ATRNL1: variants seen among roughly 807,000 people sequenced by gnomAD.
ATRNL1 encodes attractin-like protein 1.
Under a neutral mutation model 182.7 loss-of-function variants are expected in ATRNL1, and 95 were observed. The ratio of observed to expected loss-of-function variants is 0.52; its 90% CI spans 0.44 to 0.62. ATRNL1 has a LOEUF of 0.62. Among genes scored for constraint, ATRNL1 ranks in the 20% least tolerant of loss-of-function variants. ATRNL1 has a pLI of 0.00. For synonymous variants in ATRNL1, 576 were observed against 568.3 expected (o/e 1.01, Z -0.19); for missense variants, 1,471 against 1,679.5 (o/e 0.88, Z 2.17).
chr10:115,326,979 C>A (rs1438330404), intron 18 of ATRNL1, among the ~76,000 whole-genome samples: 1 of 152,130 alleles, frequency 6.6e-6, no homozygotes, highest in Non-Finnish European at 1.5e-5. Context: ...ATCATAAAAA[C>A]CCTAGAAGAA....
chr10:115,239,720 A>T (rs528244808), intron 9 of ATRNL1, among the ~76,000 whole-genome samples: 1 of 152,202 alleles, frequency 6.6e-6, no homozygotes, highest in South Asian at 2.1e-4. Context: ...TGGATGCAAC[A>T]GTCTGCCTTA....
intron 8 of ATRNL1, among the ~76,000 whole-genome samples, chr10:115,211,464 T>C (rs975078413): frequency 3.3e-5 from 5 of 152,022 alleles, no homozygotes; most frequent in South Asian, 2.1e-4. Context: ...GCTTTCAAGG[T>C]TTTTTTCCTT....
intron 19 of ATRNL1, among the ~76,000 whole-genome samples, chr10:115,357,145 G>C (rs1422031072): frequency 2.6e-5 from 4 of 151,792 alleles, no homozygotes; most frequent in East Asian, 1.9e-4. Flanking sequence ...TAATAAAAAT[G>C]GTTCTTATGC....
chr10:115,476,039 C>T (rs1373362563), intron 24 of ATRNL1, among the ~76,000 whole-genome samples: 1 of 151,150 alleles, frequency 6.6e-6, no homozygotes, highest in Admixed American at 6.6e-5. Context: ...TTTCTTTTTT[C>T]TGATATATAC....
intron 15 of ATRNL1, among the ~76,000 whole-genome samples, chr10:115,289,651 CT>C (rs1852797103): frequency 6.6e-6 from 1 of 152,062 alleles, no homozygotes. Flanking sequence ...GTCCTTTCCC[CT>C]ATGCATGTTC....
chr10:115,837,120 A>G (rs1236525441), intron 27 of ATRNL1, among the ~76,000 whole-genome samples: 4 of 152,190 alleles, frequency 2.6e-5, no homozygotes, highest in African/African-American at 9.6e-5. Context: ...ATTCACTCTC[A>G]TATACTTCAT....
rs1554929400 is a variant in ATRNL1 at position 115,315,636 on chromosome 10, A to G, written c.2937A>G (p.Gly979=). The G allele has an allele frequency of 1.2e-6, 2 of 1,613,772 alleles. No homozygotes were observed. Among genetic ancestry groups the G allele is most frequent in the Non-Finnish European group, 1.7e-6 (2 of 1,179,914 alleles). ...ATTGCATTGAAGGTTCTTCACGGGG[A>G]CCAATGAAGCTTATTGGAATGCACC... The part of the protein sequence containing the change: ...RGHCIEGSSR[G]PMKLIGMHHS... Residue 979 remains glycine, a synonymous_variant, in exon 18 of 29, where the codon GGA becomes GGG. Transcript: ENST00000355044.
rs141225963 is a variant in ATRNL1 at position 115,852,874 on chromosome 10, A to G, written c.4018+4883A>G. 6.9e-3 allele frequency among the ~76,000 whole-genome samples: 1,055 copies of G among 152,298 alleles called. 4 individuals are homozygous for G. Among genetic ancestry groups the G allele is most frequent in the Non-Finnish European group, 0.012 (840 of 68,018 alleles). On this transcript the variant is annotated intron_variant, in intron 28 of 28. Coordinates refer to ENST00000355044, the MANE Select transcript of ATRNL1 (RefSeq NM_207303.4). ...CATGCCGTGGCGCATCTGCTCATGAAACTATGACTCGGTGTATGTAATAGG... is the reference window on the plus strand; with the variant it reads ...CATGCCGTGGCGCATCTGCTCATGAGACTATGACTCGGTGTATGTAATAGG...
chr10:115,648,104 G>A (rs1253739006), intron 26 of ATRNL1, among the ~76,000 whole-genome samples: 1 of 152,094 alleles, frequency 6.6e-6, no homozygotes, highest in Non-Finnish European at 1.5e-5. Context: ...TCAGATGGTT[G>A]TAGATGTTCA....
chr10:115,774,130 T>A (rs558669232), intron 27 of ATRNL1, among the ~76,000 whole-genome samples: 166 of 152,182 alleles, frequency 1.1e-3, no homozygotes, highest in Middle Eastern at 6.8e-3. Context: ...GGTGTGGAGT[T>A]AGGATGAGTG....
chr10:115,667,156 T>C (rs1197216227), intron 26 of ATRNL1, among the ~76,000 whole-genome samples: 1 of 152,094 alleles, frequency 6.6e-6, no homozygotes, highest in African/African-American at 2.4e-5. Flanking sequence ...ACTATGCCAA[T>C]GGACTTCCTT....
intron 22 of ATRNL1, among the ~76,000 whole-genome samples, chr10:115,462,364 A>C (rs1358466968): frequency 6.6e-6 from 1 of 152,160 alleles, no homozygotes; most frequent in African/African-American, 2.4e-5. Flanking sequence ...CTGTAATCCC[A>C]GCACTTTGGG....
chr10:115,440,803 CTG>C (rs2134445515), intron 21 of ATRNL1, among the ~76,000 whole-genome samples: 1 of 151,992 alleles, frequency 6.6e-6, no homozygotes, highest in South Asian at 2.1e-4. Flanking sequence ...GCTGTGTTGA[CTG>C]TTTGGTCTTG....
Position 115,389,560 on chromosome 10 carries a change from A to G in ATRNL1, c.3176-5099A>G, listed in dbSNP as rs12764532. Among the ~76,000 whole-genome samples, 283 of 101,202 alleles carry G rather than the reference A, an allele frequency of 2.8e-3. 16 individuals carry two copies. The highest frequency in any genetic ancestry group is 8.4e-3 in the African/African-American group (228 of 27,082). The allele number at this position is 101,202 out of a possible 152,430, so 66.4% of individuals were successfully genotyped here. ...TATGTGTATATATATATATATATAT[A>G]TATATATATATATATATATATATAT... is the stretch of plus-strand genomic sequence containing the variant. On this transcript the variant is annotated intron_variant, in intron 19 of 28. Coordinates refer to ENST00000355044, the MANE Select transcript of ATRNL1 (RefSeq NM_207303.4).
At chr10:115,835,844 G>A (rs1950657709) in intron 27 of ATRNL1, among the ~76,000 whole-genome samples, 1 of 152,126 alleles carries the variant, frequency 6.6e-6, no homozygotes, top group Non-Finnish European at 1.5e-5. Context: ...CCATGGATAG[G>A]TTCAGAGACT....
intron 25 of ATRNL1, among the ~76,000 whole-genome samples, chr10:115,519,742 G>A (rs1366677504): frequency 1.3e-5 from 2 of 152,172 alleles, no homozygotes; most frequent in African/African-American, 4.8e-5. Context: ...GGGCTCCACA[G>A]TGAAGCAGCT....
intron 26 of ATRNL1, among the ~76,000 whole-genome samples, chr10:115,660,896 G>A (rs1477939413): frequency 6.6e-6 from 1 of 152,048 alleles, no homozygotes; most frequent in African/African-American, 2.4e-5. Context: ...TATGTTAATG[G>A]GAGTATCTTA....
intron 6 of ATRNL1, among the ~76,000 whole-genome samples, chr10:115,164,332 A>G (rs1308159246): frequency 6.6e-6 from 1 of 152,220 alleles, no homozygotes; most frequent in Non-Finnish European, 1.5e-5. Context: ...ATTTGTGCAT[A>G]GGAAATAAAT....
At chr10:115,140,970 C>CA (rs1554877862) in intron 5 of ATRNL1, among the ~76,000 whole-genome samples, 1 of 152,116 alleles carries the variant, frequency 6.6e-6, no homozygotes. Flanking sequence ...CATTCATATT[C>CA]TAAGTCCAGG....
Sources: gnomAD v4.1 joint callset for allele counts (sites outside exome capture counted in the v4.1 genomes callset) on GRCh38, gnomAD v4.1.1 for gene constraint, MANE v1.5 for transcripts, NCBI Gene and HGNC (gene_info 2026-07-23, HGNC 2026-07-21) for gene names.